KIF16B: variants seen among roughly 807,000 people sequenced by gnomAD.
KIF16B encodes kinesin family member 16B.
In KIF16B, 98 loss-of-function variants were observed where a neutral mutation model predicts 156.3. The ratio of observed to expected loss-of-function variants is 0.63; its 90% CI spans 0.53 to 0.74. The LOEUF (loss-of-function observed/expected upper bound fraction) is 0.74, where lower values mean the gene tolerates loss of function less well. Among genes scored for constraint, KIF16B ranks in the 30% least tolerant of loss-of-function variants. The pLI, the probability that KIF16B is intolerant of heterozygous loss-of-function variation, is 0.00. For synonymous variants in KIF16B, 564 were observed against 583.7 expected, an observed-to-expected ratio of 0.97 and a Z score of 0.49; for missense variants, 1,421 against 1,606.5, an observed-to-expected ratio of 0.88 and a Z score of 1.97.
chr20:16,299,642 GT>G (rs1197466500), intron 25 of KIF16B, among the ~76,000 whole-genome samples: 1 of 152,194 alleles, frequency 6.6e-6, no homozygotes. Flanking sequence ...CTTTGGCTAT[GT>G]CCTTAAATGA....
At chr20:16,443,375 C>G (rs1469546373) in intron 12 of KIF16B, among the ~76,000 whole-genome samples, 1 of 152,224 alleles carries the variant, frequency 6.6e-6, no homozygotes, top group Non-Finnish European at 1.5e-5. Context: ...ACAACCCAGA[C>G]ACAGGACAGG....
In KIF16B at chr20:16,295,488, GTTATAC is replaced by G. The variant is rs201537745; in HGVS notation, c.3795+16841_3795+16846del. Among the ~76,000 whole-genome samples the G allele has an allele frequency of 3.1e-3, 464 of 150,316 alleles. 5 individuals carry two copies. The highest frequency in any genetic ancestry group is 0.03 in the East Asian group (157 of 5,150). ...TAGTATAACTATATGACTATTTAAA[GTTATAC>G]TTATAATTATATATAATCTACTGAC... On this transcript the variant is annotated intron_variant, in intron 25 of 25. Coordinates refer to ENST00000354981, the MANE Select transcript of KIF16B (RefSeq NM_024704.5).
intron 12 of KIF16B, among the ~76,000 whole-genome samples, chr20:16,463,119 C>T (rs115264717): frequency 7.0e-4 from 106 of 152,310 alleles, no homozygotes; most frequent in African/African-American, 2.5e-3. Context: ...TCTATAAAAC[C>T]AACCGCATCT....
intron 25 of KIF16B, among the ~76,000 whole-genome samples, chr20:16,310,734 C>T (rs978305747): frequency 2.1e-4 from 32 of 151,994 alleles, no homozygotes; most frequent in African/African-American, 5.8e-4. Flanking sequence ...GCAGACTCAC[C>T]GCAATAATCT....
chr20:16,291,001 AAAAAAG>A (rs1394274129), intron 25 of KIF16B, among the ~76,000 whole-genome samples: 4 of 152,106 alleles, frequency 2.6e-5, no homozygotes, highest in Non-Finnish European at 5.9e-5. Context: ...GCTAGGAGCT[AAAAAAG>A]AAAAAGAAAA....
At position 16,517,458 on chromosome 20, in the gene KIF16B, G is replaced by C. The variant is rs535858856; in HGVS notation, c.232-1794C>G. Among the ~76,000 whole-genome samples, 8 of 152,132 alleles carry C rather than the reference G, an allele frequency of 5.3e-5. No individual in the cohort carries two copies. The East Asian group carries it at 1.5e-3, about 29-fold the overall frequency. The stretch of plus-strand genomic sequence containing the variant: ...GTTCATGTATAATTCTCATCAAAAC[G>C]CTACAGGGAGAGTAGTGTTACAAGA... On this transcript the variant is annotated intron_variant, in intron 3 of 25. Transcript: ENST00000354981.
chr20:16,451,714 G>A (rs1467806261), intron 12 of KIF16B, among the ~76,000 whole-genome samples: 2 of 152,124 alleles, frequency 1.3e-5, no homozygotes, highest in Non-Finnish European at 2.9e-5. Flanking sequence ...TGCTGTCGAA[G>A]ATTATATATC....
intron 23 of KIF16B, among the ~76,000 whole-genome samples, chr20:16,346,127 G>A (rs1482591406): frequency 6.6e-6 from 1 of 152,206 alleles, no homozygotes; most frequent in Non-Finnish European, 1.5e-5. Flanking sequence ...CTCCAGTGCA[G>A]TGGGCCCTGT....
At chr20:16,442,348 G>GTGTGTGTGTGTGTGTGTA (rs753220723) in intron 12 of KIF16B, among the ~76,000 whole-genome samples, 2 of 149,664 alleles carry the variant, frequency 1.3e-5, no homozygotes, top group African/African-American at 4.9e-5. Flanking sequence ...GTGTGTGTGT[G>GTGTGTGTGTGTGTGTGTA]TATATATATA....
At chr20:16,296,654 G>A (rs1416089586) in intron 25 of KIF16B, among the ~76,000 whole-genome samples, 3 of 152,172 alleles carry the variant, frequency 2.0e-5, no homozygotes, top group African/African-American at 7.2e-5. Context: ...TGCACATGAG[G>A]TGGGATTGTA....
rs755997794 is a variant in KIF16B at position 16,378,957 on chromosome 20, TCTC to T, written c.3042_3044del (p.Arg1015del). ...TGGAGTGCCTCTGCAGCGCAGAATG[TCTC>T]CTCTCCAGCCTGGCCAGGGCCCGCT... On this transcript the variant is annotated inframe_deletion, in exon 19 of 26. Transcript: ENST00000354981. 4.6e-5 allele frequency: 75 copies of T among 1,614,090 alleles called. No individual in the cohort carries two copies. The African/African-American group carries it at 7.9e-4, about 17-fold the overall frequency.
At chr20:16,460,931 T>A (rs960111005) in intron 12 of KIF16B, among the ~76,000 whole-genome samples, 2 of 152,038 alleles carry the variant, frequency 1.3e-5, no homozygotes, top group African/African-American at 4.8e-5. Context: ...TTAAAAAAAA[T>A]TTAAAAAAGC....
intron 22 of KIF16B, among the ~76,000 whole-genome samples, chr20:16,361,726 T>C (rs549825408): frequency 3.2e-4 from 48 of 152,338 alleles, no homozygotes; most frequent in Middle Eastern, 3.4e-3. Context: ...CTGTTGGACA[T>C]TGGTACTTGT....
chr20:16,350,014 C>T (rs908343627), intron 23 of KIF16B, among the ~76,000 whole-genome samples: 6 of 152,236 alleles, frequency 3.9e-5, no homozygotes, highest in South Asian at 4.1e-4. Context: ...TATACATCCT[C>T]GTTATCATTC....
chr20:16,340,405 G>C (rs2064119653), intron 23 of KIF16B, among the ~76,000 whole-genome samples: 1 of 152,100 alleles, frequency 6.6e-6, no homozygotes, highest in South Asian at 2.1e-4. Flanking sequence ...AATATATCTT[G>C]TTTCTTGCCT....
At chr20:16,355,075 C>A (rs2064412785) in intron 23 of KIF16B, among the ~76,000 whole-genome samples, 1 of 150,914 alleles carries the variant, frequency 6.6e-6, no homozygotes, top group African/African-American at 2.4e-5. Context: ...GAAATAAAAT[C>A]CTAAAAGTCT....
chr20:16,458,934 C>T (rs1274696369), intron 12 of KIF16B, among the ~76,000 whole-genome samples: 3 of 152,144 alleles, frequency 2.0e-5, no homozygotes, highest in Non-Finnish European at 4.4e-5. Context: ...CATTTTCATT[C>T]ACATCAGGAT....
At chr20:16,476,486 G>T (rs186241293) in intron 12 of KIF16B, among the ~76,000 whole-genome samples, 222 of 152,252 alleles carry the variant, frequency 1.5e-3, no homozygotes, top group Non-Finnish European at 2.2e-3. Context: ...AAGACATCTT[G>T]TTAAATTTAA....
rs1568948308 is a variant in KIF16B at position 16,410,036 on chromosome 20, CATATATATATGTTGGTACAT to C, written c.1613-3600_1613-3581del. On this transcript the variant is annotated intron_variant, in intron 15 of 25. Transcript: ENST00000354981. ...GTAGGTACATATATATATGTAGGTA[CATATATATATGTTGGTACAT>C]ATATATATATGTAGGTACATATATA... is the stretch of plus-strand genomic sequence containing the variant. Among the ~76,000 whole-genome samples, 140 of 45,214 alleles carry C rather than the reference CATATATATATGTTGGTACAT, an allele frequency of 3.1e-3. 7 individuals are homozygous for C. Among genetic ancestry groups the C allele is most frequent in the African/African-American group, 9.5e-3 (88 of 9,302 alleles). The allele number at this position is 45,214 out of a possible 152,430, so 29.7% of individuals were successfully genotyped here.
Sources: gnomAD v4.1 joint callset for allele counts (sites outside exome capture counted in the v4.1 genomes callset) on GRCh38, gnomAD v4.1.1 for gene constraint, MANE v1.5 for transcripts, NCBI Gene and HGNC (gene_info 2026-07-23, HGNC 2026-07-21) for gene names.